Variants in SHOC1 observed in about 807,000 individuals in gnomAD.
SHOC1 encodes protein shortage in chiasmata 1 ortholog.
In SHOC1, 136 loss-of-function variants were observed where a neutral mutation model predicts 179.2. That is an observed-to-expected ratio of 0.76 (90% CI 0.66 to 0.87). The LOEUF (loss-of-function observed/expected upper bound fraction) is 0.87, where lower values mean the gene tolerates loss of function less well. Ranked by LOEUF, SHOC1 falls within the 40% of genes least tolerant of loss-of-function variation. SHOC1 has a pLI of 0.00. For missense variants in SHOC1, 1,538 were observed against 1,700.8 expected, an observed-to-expected ratio of 0.90 and a Z score of 1.68; for synonymous variants, 489 against 586.6, an observed-to-expected ratio of 0.83 and a Z score of 2.41.
At chr9:111,737,029 A>C (rs1833838540) in intron 12 of SHOC1, among the ~76,000 whole-genome samples, 1 of 152,242 alleles carries the variant, frequency 6.6e-6, no homozygotes, top group South Asian at 2.1e-4. Context: ...CATATCATTC[A>C]GAATGGCTAC....
At chr9:111,722,275 T>TATC (rs2131412771) in intron 15 of SHOC1, 134 bp downstream of exon 15, 1 of 719,856 alleles carries the variant, frequency 1.4e-6, no homozygotes, top group African/African-American at 1.8e-5. Context: ...TTTGGCTGGG[T>TATC]ATCACAAGCT....
chr9:111,761,255 A>G (rs1378394768), intron 5 of SHOC1, among the ~76,000 whole-genome samples: 1 of 152,218 alleles, frequency 6.6e-6, no homozygotes, highest in East Asian at 1.9e-4. Context: ...TAATCCCAGC[A>G]CTTTGGGAGG....
intron 1 of SHOC1, 117 bp from the exon 2 acceptor site, chr9:111,791,571 G>T: frequency 5.0e-6 from 2 of 401,952 alleles, no homozygotes; most frequent in Non-Finnish European, 8.9e-6. Flanking sequence ...GATAATCATT[G>T]GTAAAAATAA....
intron 2 of SHOC1, among the ~76,000 whole-genome samples, chr9:111,790,175 AAAT>A (rs1488081833): frequency 6.6e-6 from 1 of 152,248 alleles, no homozygotes; most frequent in Non-Finnish European, 1.5e-5. Context: ...AAAACCTGTA[AAAT>A]AATAGTATCT....
intron 3 of SHOC1, among the ~76,000 whole-genome samples, chr9:111,784,676 T>C (rs1234420272): frequency 2.0e-5 from 3 of 152,182 alleles, no homozygotes; most frequent in Non-Finnish European, 4.4e-5. Context: ...AAAAATATCA[T>C]AGACTCGGTG....
intron 10 of SHOC1, 64 bp from the exon 11 acceptor site, chr9:111,741,634 AT>A (rs766419016): frequency 5.8e-6 from 5 of 855,766 alleles, no homozygotes; most frequent in Non-Finnish European, 6.9e-6. Flanking sequence ...ATAAAATTTT[AT>A]TTTATTTTAT....
Position 111,718,281 on chromosome 9 carries a change from A to C in SHOC1, c.2139T>G (p.Ile713Met), listed in dbSNP as rs1415769389. 6.3e-7 allele frequency: 1 copy of C among 1,588,494 alleles called. No individual in the cohort carries two copies. The highest frequency in any genetic ancestry group is 1.7e-4 in the Middle Eastern group (1 of 5,998). ...GCTTGAAAGTCATTTCTCTTTCATC[A>C]ATTGTACCTAAGTAAGCAAAAATGT... is the stretch of plus-strand genomic sequence containing the variant. ...VVSDAVRQGT[I>M]DEREMTFKHA... Residue 713 changes from isoleucine to methionine, a missense_variant, in exon 16 of 28, where the codon ATT (isoleucine) becomes ATG (methionine). Transcript: ENST00000682961.
At chr9:111,730,762 G>A (rs1285558330) in intron 12 of SHOC1, among the ~76,000 whole-genome samples, 1 of 152,170 alleles carries the variant, frequency 6.6e-6, no homozygotes, top group East Asian at 1.9e-4. Flanking sequence ...AGCTGCATTA[G>A]CCCCTAATAG....
At chr9:111,700,607 A>G (rs1831924926) in intron 23 of SHOC1, among the ~76,000 whole-genome samples, 1 of 152,184 alleles carries the variant, frequency 6.6e-6, no homozygotes, top group Non-Finnish European at 1.5e-5. Context: ...GAAGAAGTCC[A>G]GAGGAAGCCA....
Position 111,756,468 on chromosome 9 carries a change from A to C in SHOC1, c.719T>G (p.Phe240Cys). 1 of 1,590,618 alleles carries C rather than the reference A, an allele frequency of 6.3e-7. No individual in the cohort carries two copies. Among genetic ancestry groups the C allele is most frequent in the Middle Eastern group, 1.7e-4 (1 of 6,022 alleles). ...TATTAAGAATTCATACTCAATAAGAAAACTTGACGGCTGAAAAAACATAGT... is the reference window on the plus strand; with the variant it reads ...TATTAAGAATTCATACTCAATAAGACAACTTGACGGCTGAAAAAACATAGT... ...DTICLNEPSS[F>C]LIEYEFLIPP... Residue 240 changes from phenylalanine to cysteine, a missense_variant, in exon 8 of 28, where the codon TTT becomes TGT. By Grantham distance (205) the Phe-to-Cys change is radical. Transcript: ENST00000682961.
At chr9:111,793,878 A>C (rs1346595708) in intron 1 of SHOC1, among the ~76,000 whole-genome samples, 1 of 151,876 alleles carries the variant, frequency 6.6e-6, no homozygotes, top group Admixed American at 6.6e-5. Flanking sequence ...TTTGAGACAG[A>C]GTCTCCCTCT....
chr9:111,740,977 T>G (rs1047360390), intron 11 of SHOC1, among the ~76,000 whole-genome samples: 27 of 152,142 alleles, frequency 1.8e-4, no homozygotes, highest in African/African-American at 6.5e-4. Flanking sequence ...AACCTCCGCC[T>G]CCCAGGTTTT....
rs1291266847 is a variant in SHOC1 at position 111,691,999 on chromosome 9, A to G, written c.3978T>C (p.Ser1326=). 1 of 1,613,108 alleles carries G rather than the reference A, an allele frequency of 6.2e-7. No homozygotes were observed. The highest frequency in any genetic ancestry group is 1.7e-5 in the Admixed American group (1 of 59,802). Residue 1326 remains serine, a synonymous_variant, in exon 27 of 28, where the codon TCT becomes TCC. Transcript: ENST00000682961. ...RVSVVPRFIN[S]QKRRTHEAKG... is the part of the protein sequence containing the mutation. ...TTGCTTCATGTGTTCTCCTTTTCTG[A>G]GAATTTATAAAACGGGGGACAACTG...
chr9:111,776,728 A>T lies in SHOC1; in HGVS notation c.258-753T>A, dbSNP rs185228035. On this transcript the variant is annotated intron_variant, in intron 4 of 27. Transcript: ENST00000682961. ...TTGGAATTGGCTGCACTCTTCCACC[A>T]AAAGTTACATCTTTTGTCAGACAGC... is the stretch of plus-strand genomic sequence containing the variant. 2.0e-5 allele frequency among the ~76,000 whole-genome samples: 3 copies of T among 152,350 alleles called. No individual in the cohort carries two copies. The East Asian group carries it at 5.8e-4, about 29-fold the overall frequency.
intron 13 of SHOC1, among the ~76,000 whole-genome samples, chr9:111,727,130 T>A (rs1038407455): frequency 6.8e-6 from 1 of 148,044 alleles, no homozygotes; most frequent in African/African-American, 2.7e-5. Context: ...TGACACATTA[T>A]ATTACCTTTG....
chr9:111,758,264 C>T, intron 6 of SHOC1, 69 bp from the exon 7 acceptor site: 2 of 786,984 alleles, frequency 2.5e-6, no homozygotes, highest in Non-Finnish European at 4.0e-6. Flanking sequence ...CCAACCAAAA[C>T]ACATAATCAT....
chr9:111,688,723 T>C (rs1394666520), intron 27 of SHOC1, among the ~76,000 whole-genome samples: 1 of 152,066 alleles, frequency 6.6e-6, no homozygotes, highest in Non-Finnish European at 1.5e-5. Context: ...AAAATAAAAA[T>C]TAAAATACCA....
chr9:111,739,951 G>A (rs1309738968), intron 11 of SHOC1, among the ~76,000 whole-genome samples: 3 of 152,134 alleles, frequency 2.0e-5, no homozygotes, highest in Non-Finnish European at 2.9e-5. Flanking sequence ...GTCTCTATGT[G>A]TTTGGGAGGC....
chr9:111,687,578 C>T (rs1031354907), intron 27 of SHOC1, among the ~76,000 whole-genome samples: 5 of 152,080 alleles, frequency 3.3e-5, no homozygotes, highest in African/African-American at 1.2e-4. Flanking sequence ...CACCTCAGGC[C>T]GGGCTTCCTA....
Sources: gnomAD v4.1 joint callset for allele counts (sites outside exome capture counted in the v4.1 genomes callset) on GRCh38, gnomAD v4.1.1 for gene constraint, MANE v1.5 for transcripts, NCBI Gene and HGNC (gene_info 2026-07-23, HGNC 2026-07-21) for gene names.